The following DNM1L variants were observed in gnomAD, a reference collection of about 807,000 sequenced individuals.
The protein encoded by DNM1L is dynamin-1-like protein.
Under a neutral mutation model 92.8 loss-of-function variants are expected in DNM1L, and 33 were observed. The observed-to-expected ratio is 0.36, with a 90% CI of 0.27 to 0.48. The LOEUF (loss-of-function observed/expected upper bound fraction) is 0.48. DNM1L is among the 20% of genes least tolerant of loss of function. DNM1L has a pLI of 0.99. For synonymous variants in DNM1L, 284 were observed against 305.0 expected (o/e 0.93, Z 0.72); for missense variants, 485 against 888.8 (o/e 0.55, Z 5.78).
At chr12:32,700,350 C>G (rs945390975) in intron 1 of DNM1L, among the ~76,000 whole-genome samples, 1 of 152,092 alleles carries the variant, frequency 6.6e-6, no homozygotes, top group Admixed American at 6.5e-5. Context: ...GAACTCCTGA[C>G]CTCAGATGAT....
chr12:32,697,895 G>A (rs1952535924), intron 1 of DNM1L, among the ~76,000 whole-genome samples: 2 of 151,316 alleles, frequency 1.3e-5, no homozygotes, highest in South Asian at 4.2e-4. Flanking sequence ...CATAAAAAAA[G>A]AACGTAAAAT....
At chr12:32,722,315 T>G in intron 8 of DNM1L, 112 bp from the exon 9 acceptor site, 2 of 879,444 alleles carry the variant, frequency 2.3e-6, no homozygotes, top group Non-Finnish European at 3.6e-6. Context: ...CAGTATCACA[T>G]TTGCCAGGAC....
At position 32,743,370 on chromosome 12, in the gene DNM1L, G is replaced by A. The variant is rs1328208349; in HGVS notation, c.2171G>A (p.Ser724Asn). 3.7e-6 allele frequency: 6 copies of A among 1,613,802 alleles called. No individual in the cohort carries two copies. The highest frequency in any genetic ancestry group is 1.3e-5 in the African/African-American group (1 of 74,902). ...ADMLKALQGA[S>N]QIIAEIRETH... The stretch of plus-strand genomic sequence containing the variant: ...TTAATGCAGGCATTACAAGGAGCCA[G>A]TCAAATTATTGCTGAAATCCGGGAG... The change falls in exon 20 of 20, where the codon AGT becomes AAT. Residue 724 changes from serine (S) to asparagine (N), a missense_variant. Ser to Asn is a conservative substitution (Grantham distance 46, BLOSUM62 1). Transcript: ENST00000549701.
intron 7 of DNM1L, among the ~76,000 whole-genome samples, chr12:32,719,325 C>T (rs1953698376): frequency 2.0e-5 from 3 of 152,132 alleles, no homozygotes. Context: ...AATAGCCAGG[C>T]TTTAAGAATT....
intron 6 of DNM1L, among the ~76,000 whole-genome samples, chr12:32,717,693 A>ATTTGTAAC (rs1565518411): frequency 6.2e-5 from 6 of 96,794 alleles, no homozygotes; most frequent in African/African-American, 8.3e-5. Context: ...AGATATATAT[A>ATTTGTAAC]TAAAAAATAC....
intron 1 of DNM1L, among the ~76,000 whole-genome samples, chr12:32,681,387 C>T (rs11052161): frequency 0.16 from 23,620 of 151,974 alleles, 1,932 homozygotes; most frequent in Middle Eastern, 0.21. Flanking sequence ...TCCATCTTTA[C>T]GAAAAATACG....
chr12:32,722,305 C>T, intron 8 of DNM1L, 122 bp from the exon 9 acceptor site: 1 of 796,250 alleles, frequency 1.3e-6, no homozygotes, highest in Non-Finnish European at 2.1e-6. Context: ...ATATATTTCA[C>T]AGTATCACAT....
chr12:32,740,375 A>C, intron 17 of DNM1L, 34 bp from the exon 18 acceptor site: 1 of 1,610,654 alleles, frequency 6.2e-7, no homozygotes, highest in Non-Finnish European at 8.5e-7. Context: ...TAGTGTCACA[A>C]AAGTAATATT....
intron 15 of DNM1L, 54 bp from the exon 16 acceptor site, chr12:32,738,210 T>C (rs980978133): frequency 1.9e-6 from 3 of 1,590,792 alleles, no homozygotes; most frequent in Non-Finnish European, 1.7e-6. Context: ...TTTCAACCCA[T>C]TGGTATTTAA....
At chr12:32,732,747 G>C (rs1045551746) in intron 12 of DNM1L, 4 of 351,104 alleles carry the variant, frequency 1.1e-5, no homozygotes, top group Non-Finnish European at 2.2e-5. Context: ...GATAAGTGCT[G>C]TTCTGATACC....
rs536594496 is a variant in DNM1L at position 32,740,436 on chromosome 12, G to A, written c.1912G>A (p.Ala638Thr). 1.2e-6 allele frequency: 2 copies of A among 1,613,990 alleles called. No homozygotes were observed. Among genetic ancestry groups the A allele is most frequent in the East Asian group, 2.2e-5 (1 of 44,878 alleles). Reference sequence around the variant, plus strand: ...AGTTCCTGTTGCACGAAAACTATCTGCTCGGGAACAGCGAGATTGTGAGGT... The same window carrying A: ...AGTTCCTGTTGCACGAAAACTATCTACTCGGGAACAGCGAGATTGTGAGGT... ...VPVPVARKLS[A>T]REQRDCEVIE... Residue 638 changes from alanine to threonine, a missense_variant, in exon 18 of 20, where the codon GCT (alanine) becomes ACT (threonine). Around this residue, in one of 11 missense-constraint regions of DNM1L, gnomAD observed 133 missense variants for 210.9 expected, o/e 0.63. Coordinates refer to ENST00000549701, the MANE Select transcript of DNM1L (RefSeq NM_012062.5).
chr12:32,683,894 G>C (rs1331648763), intron 1 of DNM1L, among the ~76,000 whole-genome samples: 1 of 151,984 alleles, frequency 6.6e-6, no homozygotes, highest in African/African-American at 2.4e-5. Context: ...GGCCAGACTG[G>C]TCTCAAACTC....
intron 7 of DNM1L, 68 bp from the exon 8 acceptor site, chr12:32,720,596 T>C: frequency 6.2e-7 from 1 of 1,606,484 alleles, no homozygotes; most frequent in Non-Finnish European, 8.5e-7. Flanking sequence ...TGCCTGGTGC[T>C]GTCATCATCT....
In DNM1L at chr12:32,701,143, G is replaced by A. The variant is rs372705255; in HGVS notation, c.103-272G>A. ...TACAAAAAATTAGCCAGGCGTGGTG[G>A]CACACGCCTGTAATCCCAGCTACTT... On this transcript the variant is annotated intron_variant, in intron 1 of 19. Coordinates refer to ENST00000549701, the MANE Select transcript of DNM1L (RefSeq NM_012062.5). Among the ~76,000 whole-genome samples, 342 of 152,190 alleles carry A rather than the reference G, an allele frequency of 2.2e-3. 4 individuals are homozygous for A. The highest frequency in any genetic ancestry group is 0.02 in the Middle Eastern group (6 of 294).
intron 16 of DNM1L, among the ~76,000 whole-genome samples, chr12:32,739,350 A>C (rs971315452): frequency 3.3e-5 from 5 of 152,226 alleles, no homozygotes; most frequent in Non-Finnish European, 7.3e-5. Flanking sequence ...AGAAGTCAAG[A>C]CTAATACATT....
At chr12:32,721,643 G>T (rs889937932) in intron 8 of DNM1L, among the ~76,000 whole-genome samples, 1 of 152,042 alleles carries the variant, frequency 6.6e-6, no homozygotes, top group Non-Finnish European at 1.5e-5. Flanking sequence ...AATTCTCCAG[G>T]GGATTCTAGC....
chr12:32,736,991 G>A, intron 13 of DNM1L, 114 bp from the exon 14 acceptor site: 2 of 950,166 alleles, frequency 2.1e-6, no homozygotes, highest in Non-Finnish European at 3.3e-6. Flanking sequence ...AGTCCCAACA[G>A]TGAGAGGATG....
chr12:32,716,741 A>ATATAT (rs1565516248), intron 6 of DNM1L, among the ~76,000 whole-genome samples: 3 of 119,796 alleles, frequency 2.5e-5, no homozygotes, highest in Admixed American at 8.5e-5. Flanking sequence ...CACTATATAT[A>ATATAT]GTATATATAT....
intron 1 of DNM1L, chr12:32,680,017 A>G (rs1221932860): frequency 3.5e-5 from 34 of 985,164 alleles, no homozygotes; most frequent in African/African-American, 5.2e-5. Context: ...TTCCTGCAGT[A>G]TAATTCCACC....
Sources: gnomAD v4.1 joint callset for allele counts (sites outside exome capture counted in the v4.1 genomes callset) on GRCh38, gnomAD v4.1.1 for gene constraint, gnomAD v4.1.1 regional missense constraint, MANE v1.5 for transcripts, NCBI Gene and HGNC (gene_info 2026-07-23, HGNC 2026-07-21) for gene names.